MACROD2: variants seen among roughly 807,000 people sequenced by gnomAD.
The protein encoded by MACROD2 is ADP-ribose glycohydrolase MACROD2.
A neutral mutation model predicts 70.4 loss-of-function variants in MACROD2; 36 were observed. That is an observed-to-expected ratio of 0.51 (90% CI 0.39 to 0.68). The LOEUF is 0.68. Among genes scored for constraint, MACROD2 ranks in the 30% least tolerant of loss-of-function variants. The pLI is 0.00. For missense variants in MACROD2, 496 were observed against 538.4 expected (o/e 0.92, Z 0.78); for synonymous variants, 172 against 178.8 (o/e 0.96, Z 0.30).
chr20:14,453,977 T>G (rs2084272275), intron 3 of MACROD2, among the ~76,000 whole-genome samples: 1 of 152,064 alleles, frequency 6.6e-6, no homozygotes, highest in South Asian at 2.1e-4. Context: ...TTTTAAATAT[T>G]TCAATGCATA....
In MACROD2 at chr20:16,018,943, C is replaced by A. The variant is rs114196389; in HGVS notation, c.1154-22258C>A. On this transcript the variant is annotated intron_variant, in intron 15 of 17. Coordinates refer to ENST00000684519, the MANE Select transcript of MACROD2 (RefSeq NM_001351661.2). Reference sequence around the variant, plus strand: ...AATCCTCATGTTTCAGGTCTCAGCTCTGTTAACATGAGACATCCCAGAGGC... The same window carrying A: ...AATCCTCATGTTTCAGGTCTCAGCTATGTTAACATGAGACATCCCAGAGGC... 1.5e-3 allele frequency among the ~76,000 whole-genome samples: 232 copies of A among 152,322 alleles called. 1 individual carries two copies. The highest frequency in any genetic ancestry group is 5.2e-3 in the African/African-American group (218 of 41,564).
At chr20:16,032,967 C>T (rs373515298) in intron 15 of MACROD2, among the ~76,000 whole-genome samples, 13 of 151,904 alleles carry the variant, frequency 8.6e-5, no homozygotes, top group African/African-American at 2.9e-4. Flanking sequence ...GGTTAAAAGC[C>T]TTTGACTTAT....
In MACROD2 at chr20:15,147,886, G is replaced by T. The variant is rs1214692890; in HGVS notation, c.419-82054G>T. Among the ~76,000 whole-genome samples the T allele has an allele frequency of 4.6e-5, 7 of 152,030 alleles. No individual in the cohort carries two copies. The South Asian group carries it at 1.5e-3, about 32-fold the overall frequency. Reference sequence around the variant, plus strand: ...TGTTCTCTGGCAGGCAGGAGTAGGGGTCACAAGGTGCTCAGTAGGGGAGCT... The same window carrying T: ...TGTTCTCTGGCAGGCAGGAGTAGGGTTCACAAGGTGCTCAGTAGGGGAGCT... On this transcript the variant is annotated intron_variant, in intron 5 of 17. Coordinates refer to ENST00000684519, the MANE Select transcript of MACROD2 (RefSeq NM_001351661.2).
chr20:14,501,159 A>G (rs1015713188), intron 4 of MACROD2, among the ~76,000 whole-genome samples: 4 of 152,102 alleles, frequency 2.6e-5, no homozygotes, highest in Admixed American at 1.3e-4. Context: ...AAAAGTTTGT[A>G]TAGCCAGGAT....
At chr20:15,547,060 A>G (rs1415175552) in intron 8 of MACROD2, among the ~76,000 whole-genome samples, 1 of 152,144 alleles carries the variant, frequency 6.6e-6, no homozygotes, top group Non-Finnish European at 1.5e-5. Flanking sequence ...CCAAAGAGAG[A>G]TCACCTGCCC....
intron 6 of MACROD2, among the ~76,000 whole-genome samples, chr20:15,392,425 T>C (rs953610707): frequency 1.3e-5 from 2 of 152,216 alleles, no homozygotes; most frequent in Non-Finnish European, 2.9e-5. Context: ...ATTTTAATTT[T>C]TATGATGGCT....
At chr20:14,457,549 A>G (rs2084317953) in intron 3 of MACROD2, among the ~76,000 whole-genome samples, 1 of 152,168 alleles carries the variant, frequency 6.6e-6, no homozygotes, top group Admixed American at 6.5e-5. Context: ...GTTGCATACA[A>G]AAATTCACAT....
chr20:15,875,808 AGGG>A (rs2064659600), intron 9 of MACROD2, among the ~76,000 whole-genome samples: 1 of 151,830 alleles, frequency 6.6e-6, no homozygotes, highest in South Asian at 2.1e-4. Flanking sequence ...TGGAGAAGGG[AGGG>A]AGGATGTTGT....
intron 3 of MACROD2, chr20:14,325,447 CT>C: frequency 1.7e-6 from 2 of 1,210,726 alleles, no homozygotes; most frequent in Non-Finnish European, 1.2e-6. Flanking sequence ...CAGTACATTG[CT>C]TTTTTTCAGT....
intron 3 of MACROD2, among the ~76,000 whole-genome samples, chr20:14,334,570 G>A (rs537239863): frequency 1.3e-5 from 2 of 149,814 alleles, no homozygotes; most frequent in South Asian, 4.2e-4. Flanking sequence ...CAAGTCAGAT[G>A]TTGGCTGCTG....
intron 5 of MACROD2, among the ~76,000 whole-genome samples, chr20:14,726,448 C>T (rs1487498771): frequency 2.0e-5 from 3 of 152,086 alleles, no homozygotes; most frequent in African/African-American, 4.8e-5. Context: ...GTGTCACAGG[C>T]GAAACTGAAT....
chr20:14,185,060 G>A (rs898092416), intron 3 of MACROD2, among the ~76,000 whole-genome samples: 4 of 151,966 alleles, frequency 2.6e-5, no homozygotes, highest in Non-Finnish European at 5.9e-5. Context: ...AGAACTGTAG[G>A]GTGCCTGAAA....
rs1408921537 is a variant in MACROD2 at position 15,799,716 on chromosome 20, C to T, written c.646-63029C>T. ...TTAATGGACAGTAAGGTTGATTCCC[C>T]ACCTTGACTATGTTAACAGTGCAGC... On this transcript the variant is annotated intron_variant, in intron 8 of 17. Coordinates refer to ENST00000684519, the MANE Select transcript of MACROD2 (RefSeq NM_001351661.2). Among the ~76,000 whole-genome samples, 9 of 152,126 alleles carry T rather than the reference C, an allele frequency of 5.9e-5. 1 individual carries two copies.
At chr20:15,085,873 AACAC>A (rs3070249) in intron 5 of MACROD2, among the ~76,000 whole-genome samples, 9,761 of 144,170 alleles carry the variant, frequency 0.068, 359 homozygotes, top group African/African-American at 0.088. Context: ...ACACACACAC[AACAC>A]ACACACACAC....
Position 14,277,137 on chromosome 20 carries a change from A to G in MACROD2, c.271+191409A>G, listed in dbSNP as rs117119700. Among the ~76,000 whole-genome samples the G allele has an allele frequency of 2.8e-4, 43 of 152,096 alleles. No homozygotes were observed. The East Asian group carries it at 7.2e-3, about 25-fold the overall frequency. On this transcript the variant is annotated intron_variant, in intron 3 of 17. Coordinates refer to ENST00000684519, the MANE Select transcript of MACROD2 (RefSeq NM_001351661.2). ...ACTGACATGGTGAAACTGTGTCTCT[A>G]CTAAAAATACAAAAAAAAAATTAAC...
rs115019289 is a variant in MACROD2 at position 15,669,933 on chromosome 20, G to A, written c.645+170086G>A. Reference sequence around the variant, plus strand: ...CCTACTATGTGACAGGCATGGTGCTGTGTGTTTTGTGTGCATTACCTAATG... The same window carrying A: ...CCTACTATGTGACAGGCATGGTGCTATGTGTTTTGTGTGCATTACCTAATG... On this transcript the variant is annotated intron_variant, in intron 8 of 17. Transcript: ENST00000684519. 7.4e-3 allele frequency among the ~76,000 whole-genome samples: 1,125 copies of A among 152,270 alleles called. 11 individuals carry two copies. Among genetic ancestry groups the A allele is most frequent in the African/African-American group, 0.024 (979 of 41,542 alleles).
At chr20:15,770,096 T>C (rs896426399) in intron 8 of MACROD2, among the ~76,000 whole-genome samples, 11 of 97,916 alleles carry the variant, frequency 1.1e-4, no homozygotes, top group Admixed American at 3.1e-4. Context: ...TTTCTTTTTT[T>C]TTTTTTTTTT....
intron 8 of MACROD2, among the ~76,000 whole-genome samples, chr20:15,627,596 C>A (rs1361199250): frequency 6.6e-6 from 1 of 151,966 alleles, no homozygotes; most frequent in East Asian, 1.9e-4. Context: ...TCCTCTTGAG[C>A]TGACTTACTT....
At chr20:15,221,578 G>A (rs1753616962) in intron 5 of MACROD2, among the ~76,000 whole-genome samples, 1 of 152,266 alleles carries the variant, frequency 6.6e-6, no homozygotes, top group East Asian at 1.9e-4. Context: ...CTTACATGTA[G>A]GAGTCCAATT....
Sources: allele counts gnomAD v4.1 joint callset (sites outside exome capture counted in the v4.1 genomes callset), GRCh38; gene constraint gnomAD v4.1.1; transcripts MANE v1.5; gene names NCBI Gene and HGNC (gene_info 2026-07-23, HGNC 2026-07-21).